KANSL1: variants seen among roughly 807,000 people sequenced by gnomAD.
KANSL1 encodes MLL1/MLL complex subunit KANSL1.
In KANSL1, 22 loss-of-function variants were observed where a neutral mutation model predicts 103.6. That is an observed-to-expected ratio of 0.21 (90% CI 0.15 to 0.30). The LOEUF is 0.30. Among genes scored for constraint, KANSL1 ranks in the 10% least tolerant of loss-of-function variants. The pLI, the probability that KANSL1 is intolerant of heterozygous loss-of-function variation, is 1.00. For missense variants in KANSL1, 1,337 were observed against 1,399.8 expected (o/e 0.96, Z 0.72); for synonymous variants, 600 against 527.6 (o/e 1.14, Z -1.88).
chr17:46,075,643 T>C (rs2078738549), intron 4 of KANSL1, among the ~76,000 whole-genome samples: 1 of 152,124 alleles, frequency 6.6e-6, no homozygotes, highest in African/African-American at 2.4e-5. Flanking sequence ...AAATCATATT[T>C]TAAAAGAATG....
chr17:46,148,135 T>C (rs913467149), intron 2 of KANSL1: 2 of 152,266 alleles, frequency 1.3e-5, no homozygotes, highest in Non-Finnish European at 2.9e-5. Context: ...TTAGCTACTA[T>C]GGTGGAAATT....
intron 2 of KANSL1, among the ~76,000 whole-genome samples, chr17:46,139,119 T>C (rs2044293795): frequency 6.6e-6 from 1 of 152,218 alleles, no homozygotes; most frequent in Admixed American, 6.5e-5. Flanking sequence ...TCATTGCTGC[T>C]CTATCCCCAT....
At chr17:46,160,292 T>C (rs1402549471) in intron 2 of KANSL1, among the ~76,000 whole-genome samples, 1 of 152,198 alleles carries the variant, frequency 6.6e-6, no homozygotes, top group Non-Finnish European at 1.5e-5. Context: ...AAAATGTCCC[T>C]CCTCTACCCA....
At chr17:46,110,423 C>A (rs770049101) in intron 2 of KANSL1, among the ~76,000 whole-genome samples, 1 of 152,158 alleles carries the variant, frequency 6.6e-6, no homozygotes, top group African/African-American at 2.4e-5. Context: ...GTATTATGAT[C>A]ATCACTGCCC....
intron 2 of KANSL1, among the ~76,000 whole-genome samples, chr17:46,146,113 T>C (rs1336584681): frequency 6.6e-6 from 1 of 152,248 alleles, no homozygotes; most frequent in Non-Finnish European, 1.5e-5. Context: ...AAACAACTAG[T>C]GTGCCTCCAT....
intron 2 of KANSL1, among the ~76,000 whole-genome samples, chr17:46,132,943 C>T (rs927808866): frequency 7.2e-5 from 11 of 151,736 alleles, no homozygotes; most frequent in South Asian, 2.1e-4. Context: ...GACCGTGTCT[C>T]GAAAAAAACA....
intron 2 of KANSL1, among the ~76,000 whole-genome samples, chr17:46,135,942 A>G (rs1016546924): frequency 6.6e-6 from 1 of 152,164 alleles, no homozygotes; most frequent in African/African-American, 2.4e-5. Context: ...TTTGATTTCA[A>G]TAAAATTTCA....
At chr17:46,112,761 G>A (rs1046549077) in intron 2 of KANSL1, among the ~76,000 whole-genome samples, 7 of 149,272 alleles carry the variant, frequency 4.7e-5, no homozygotes, top group Admixed American at 2.0e-4. Context: ...CACTCTTGTT[G>A]CCCAGGCTGG....
intron 3 of KANSL1, among the ~76,000 whole-genome samples, chr17:46,086,006 A>G (rs1275359128): frequency 1.3e-5 from 2 of 152,252 alleles, no homozygotes; most frequent in Non-Finnish European, 2.9e-5. Context: ...GTCCCTTAGC[A>G]GAGTCATACA....
intron 6 of KANSL1, among the ~76,000 whole-genome samples, chr17:46,053,585 C>T (rs912554624): frequency 6.6e-6 from 1 of 152,032 alleles, no homozygotes; most frequent in Non-Finnish European, 1.5e-5. Context: ...GCGCCCACCA[C>T]CACACCCAGC....
intron 1 of KANSL1, among the ~76,000 whole-genome samples, chr17:46,212,441 G>A (rs1056269075): frequency 4.9e-4 from 75 of 152,112 alleles, no homozygotes; most frequent in Admixed American, 1.3e-3. Flanking sequence ...GGATGGTCTC[G>A]ATCTCCTGAC....
At chr17:46,097,997 A>G (rs9895726) in intron 2 of KANSL1, among the ~76,000 whole-genome samples, 3 of 149,498 alleles carry the variant, frequency 2.0e-5, no homozygotes, top group South Asian at 2.1e-4. Flanking sequence ...TTAGAAAGAA[A>G]ACATTTTACA....
Position 46,041,878 on chromosome 17 carries a change from T to TTGTGTGTGTGTGTGTGTGTGTG in KANSL1, c.2021-2016_2021-1995dup, listed in dbSNP as rs146582763. ...CTTCTAGAACTATTAGAAATTTATT[T>TTGTGTGTGTGTGTGTGTGTGTG]TGTGTGTGTGTGTGTGTGTGTGTGT... On this transcript the variant is annotated intron_variant, in intron 7 of 14. Coordinates refer to ENST00000432791, the MANE Select transcript of KANSL1 (RefSeq NM_015443.4). The TTGTGTGTGTGTGTGTGTGTGTG allele has an allele frequency of 1.6e-3, 201 of 122,696 alleles. 1 individual carries two copies. The highest frequency in any genetic ancestry group is 5.3e-3 in the African/African-American group (191 of 36,366). The allele number at this position is 122,696 out of a possible 1,614,324, so 7.6% of individuals were successfully genotyped here.
At chr17:46,194,133 G>A (rs1390512990), upstream of KANSL1, among the ~76,000 whole-genome samples, 1 of 152,200 alleles carries the variant, frequency 6.6e-6, no homozygotes, top group Non-Finnish European at 1.5e-5. Context: ...AGGGACAGCC[G>A]GGAGCCAGAG....
chr17:46,199,203 C>T (rs527789060), intron 1 of KANSL1, among the ~76,000 whole-genome samples: 10 of 152,340 alleles, frequency 6.6e-5, no homozygotes, highest in Non-Finnish European at 1.3e-4. Flanking sequence ...ATTGCCAAAG[C>T]GTCAAAGCTG....
At chr17:46,117,795 C>T (rs1024256260) in intron 2 of KANSL1, among the ~76,000 whole-genome samples, 2 of 151,962 alleles carry the variant, frequency 1.3e-5, no homozygotes, top group African/African-American at 4.8e-5. Context: ...GCAAAAAAAC[C>T]CTTTCAAATA....
intron 4 of KANSL1, among the ~76,000 whole-genome samples, chr17:46,073,707 C>T (rs895600309): frequency 1.2e-4 from 19 of 152,070 alleles, no homozygotes; most frequent in Admixed American, 9.2e-4. Flanking sequence ...AACTGTATTA[C>T]AAAACAACAT....
intron 2 of KANSL1, among the ~76,000 whole-genome samples, chr17:46,109,386 A>C (rs1208224953): frequency 6.6e-6 from 1 of 152,234 alleles, no homozygotes; most frequent in Non-Finnish European, 1.5e-5. Context: ...CAAACCACTT[A>C]CTAACAGAAT....
intron 2 of KANSL1, among the ~76,000 whole-genome samples, chr17:46,140,641 T>C (rs2044373395): frequency 6.6e-6 from 1 of 152,166 alleles, no homozygotes; most frequent in Non-Finnish European, 1.5e-5. Context: ...AAATCATCTA[T>C]TTGACAAGAC....
Sources: allele counts gnomAD v4.1 joint callset (sites outside exome capture counted in the v4.1 genomes callset), GRCh38; gene constraint gnomAD v4.1.1; transcripts MANE v1.5; gene names NCBI Gene and HGNC (gene_info 2026-07-23, HGNC 2026-07-21).